Variants in GALNTL6 observed in about 807,000 individuals in gnomAD.
GALNTL6 encodes the protein polypeptide N-acetylgalactosaminyltransferase like 6, also known as polypeptide N-acetylgalactosaminyltransferase-like 6.
A neutral mutation model predicts 73.7 loss-of-function variants in GALNTL6; 46 were observed. The ratio of observed to expected loss-of-function variants is 0.62; its 90% CI spans 0.49 to 0.80. The LOEUF (loss-of-function observed/expected upper bound fraction) is 0.80. GALNTL6 is among the 30% of genes least tolerant of loss of function. The pLI, the probability that GALNTL6 is intolerant of heterozygous loss-of-function variation, is 0.00. For missense variants in GALNTL6, 604 were observed against 755.0 expected, an observed-to-expected ratio of 0.80 and a Z score of 2.34; for synonymous variants, 259 against 263.7, an observed-to-expected ratio of 0.98 and a Z score of 0.17.
chr4:171,947,138 C>T (rs1016578976), intron 2 of GALNTL6, among the ~76,000 whole-genome samples: 2 of 152,048 alleles, frequency 1.3e-5, no homozygotes, highest in African/African-American at 4.8e-5. Flanking sequence ...TCTTTAAATT[C>T]TTATCCATTA....
intron 2 of GALNTL6, among the ~76,000 whole-genome samples, chr4:172,102,099 A>G (rs1341505044): frequency 1.3e-5 from 2 of 152,194 alleles, no homozygotes; most frequent in East Asian, 3.9e-4. Flanking sequence ...TATCTTCTCT[A>G]TGAAAACTTC....
chr4:172,681,744 A>G (rs1732642651), intron 5 of GALNTL6, among the ~76,000 whole-genome samples: 1 of 152,208 alleles, frequency 6.6e-6, no homozygotes, highest in Non-Finnish European at 1.5e-5. Flanking sequence ...TCAGGACAAG[A>G]ACCTGAAGGT....
At chr4:172,368,341 A>G (rs1167459498) in intron 5 of GALNTL6, among the ~76,000 whole-genome samples, 1 of 152,192 alleles carries the variant, frequency 6.6e-6, no homozygotes, top group East Asian at 1.9e-4. Context: ...AGATCACGCC[A>G]TTGCACTCCA....
intron 2 of GALNTL6, among the ~76,000 whole-genome samples, chr4:172,166,040 A>G (rs994797665): frequency 1.3e-5 from 2 of 152,254 alleles, no homozygotes; most frequent in Non-Finnish European, 2.9e-5. Flanking sequence ...AAACAGTCTC[A>G]TGTCATCATA....
chr4:172,018,852 G>A (rs1741301484), intron 2 of GALNTL6, among the ~76,000 whole-genome samples: 1 of 152,098 alleles, frequency 6.6e-6, no homozygotes, highest in South Asian at 2.1e-4. Context: ...GAGGGCCCCT[G>A]TGAGATATAG....
At chr4:171,971,702 T>C (rs2111065275) in intron 2 of GALNTL6, among the ~76,000 whole-genome samples, 1 of 152,292 alleles carries the variant, frequency 6.6e-6, no homozygotes, top group South Asian at 2.1e-4. Flanking sequence ...GGTCTGGTCT[T>C]TTTTTAAAGT....
chr4:172,826,622 G>A (rs986967000), intron 7 of GALNTL6, among the ~76,000 whole-genome samples: 1 of 152,218 alleles, frequency 6.6e-6, no homozygotes, highest in African/African-American at 2.4e-5. Flanking sequence ...GTTCACAAAA[G>A]GTGTGCAGCC....
chr4:172,770,318 ATATT>A (rs1260102254), intron 5 of GALNTL6, among the ~76,000 whole-genome samples: 1 of 148,564 alleles, frequency 6.7e-6, no homozygotes, highest in East Asian at 2.0e-4. Context: ...TATAGATAAA[ATATT>A]TAGCATAGTT....
chr4:172,197,592 C>T (rs550300092), intron 2 of GALNTL6, among the ~76,000 whole-genome samples: 2 of 152,198 alleles, frequency 1.3e-5, no homozygotes, highest in East Asian at 3.9e-4. Context: ...AAAATAGACA[C>T]ATAGACCAGT....
intron 11 of GALNTL6, among the ~76,000 whole-genome samples, chr4:173,011,106 C>T (rs1033131669): frequency 5.9e-5 from 9 of 152,204 alleles, no homozygotes; most frequent in African/African-American, 1.2e-4. Context: ...CTTTGATGAT[C>T]GATAATCTTG....
At chr4:172,480,976 G>A (rs1055014875) in intron 5 of GALNTL6, among the ~76,000 whole-genome samples, 1 of 152,194 alleles carries the variant, frequency 6.6e-6, no homozygotes, top group Non-Finnish European at 1.5e-5. Context: ...ATATTTATTG[G>A]TCAAAGCAAG....
intron 5 of GALNTL6, among the ~76,000 whole-genome samples, chr4:172,535,228 T>G (rs2110857801): frequency 6.6e-6 from 1 of 152,330 alleles, no homozygotes; most frequent in East Asian, 1.9e-4. Flanking sequence ...GGACTCAAAT[T>G]TATAAGCTTA....
chr4:172,308,753 A>G (rs1326683872), intron 3 of GALNTL6, among the ~76,000 whole-genome samples: 1 of 152,192 alleles, frequency 6.6e-6, no homozygotes. Flanking sequence ...TTTGTCATTA[A>G]TGGAAGAAAG....
intron 12 of GALNTL6, among the ~76,000 whole-genome samples, chr4:173,032,969 A>T (rs1235477462): frequency 6.6e-6 from 1 of 152,128 alleles, no homozygotes; most frequent in African/African-American, 2.4e-5. Flanking sequence ...ACTCACACCA[A>T]GGGGCTCTGT....
intron 2 of GALNTL6, among the ~76,000 whole-genome samples, chr4:171,837,673 ATATAT>A (rs1336640992): frequency 4.8e-5 from 7 of 147,196 alleles, no homozygotes; most frequent in South Asian, 2.1e-4. Context: ...TAATATATAA[ATATAT>A]TATGTATATT....
chr4:172,109,679 A>C (rs1480196023), intron 2 of GALNTL6, among the ~76,000 whole-genome samples: 1 of 152,216 alleles, frequency 6.6e-6, no homozygotes, highest in Non-Finnish European at 1.5e-5. Context: ...GGATAGAAAC[A>C]ATTTAAATGG....
intron 2 of GALNTL6, among the ~76,000 whole-genome samples, chr4:172,203,277 T>C (rs1034416232): frequency 1.3e-5 from 2 of 152,140 alleles, no homozygotes; most frequent in African/African-American, 4.8e-5. Context: ...GCACTGGTAT[T>C]TCAGTAATTG....
At chr4:172,199,663 G>A (rs1337932282) in intron 2 of GALNTL6, among the ~76,000 whole-genome samples, 1 of 152,030 alleles carries the variant, frequency 6.6e-6, no homozygotes, top group Non-Finnish European at 1.5e-5. Context: ...TAGAATTGTG[G>A]GGTTCCTCAT....
At chr4:172,695,139 G>C (rs1006670553) in intron 5 of GALNTL6, among the ~76,000 whole-genome samples, 3 of 152,124 alleles carry the variant, frequency 2.0e-5, no homozygotes, top group Non-Finnish European at 4.4e-5. Flanking sequence ...ATAAATGTCA[G>C]TCCTCTTTAT....
Sources: allele counts gnomAD v4.1 joint callset (sites outside exome capture counted in the v4.1 genomes callset), GRCh38; gene constraint gnomAD v4.1.1; transcripts MANE v1.5; gene names NCBI Gene and HGNC (gene_info 2026-07-23, HGNC 2026-07-21).